The following CPNE4 variants were observed in gnomAD, a reference collection of about 807,000 sequenced individuals.
CPNE4 encodes the protein copine 4.
CPNE4 carries 25 observed loss-of-function variants against 67.9 expected under a neutral mutation model. That is an observed-to-expected ratio of 0.37 (90% confidence interval 0.27 to 0.51). CPNE4 has a LOEUF of 0.51. Ranked by LOEUF, CPNE4 falls within the 20% of genes least tolerant of loss-of-function variation. The pLI, the probability that CPNE4 is intolerant of heterozygous loss-of-function variation, is 0.93. For missense variants in CPNE4, 464 were observed against 690.8 expected (o/e 0.67, Z 3.68); for synonymous variants, 242 against 244.9 (o/e 0.99, Z 0.11).
Position 131,948,851 on chromosome 3 carries a change from T to C in CPNE4, c.-1-43407A>G, listed in dbSNP as rs772140371. Among the ~76,000 whole-genome samples the C allele has an allele frequency of 3.3e-5, 5 of 152,248 alleles. No individual in the cohort carries two copies. In the South Asian group the frequency reaches 8.3e-4, roughly 25 times the overall value. Reference sequence around the variant, plus strand: ...TAGTACAGAGAGACTTAATATAAAATTCCATGCAGGAAAAAAACACACAAA... The same window carrying C: ...TAGTACAGAGAGACTTAATATAAAACTCCATGCAGGAAAAAAACACACAAA... On this transcript the variant is annotated intron_variant, in intron 1 of 15. Transcript: ENST00000429747.
Position 131,785,170 on chromosome 3 carries a change from C to A in CPNE4, c.181-61545G>T, listed in dbSNP as rs556922874. Among the ~76,000 whole-genome samples, 23 of 152,200 alleles carry A rather than the reference C, an allele frequency of 1.5e-4. 1 individual carries two copies. In the South Asian group the frequency reaches 3.7e-3, roughly 25 times the overall value. On this transcript the variant is annotated intron_variant, in intron 2 of 15. Transcript: ENST00000429747. ...CTTTGCTTAAATTATTTAATCCTTG[C>A]AATTCTGAGAAGTACATATTCCCCA...
intron 2 of CPNE4, among the ~76,000 whole-genome samples, chr3:131,825,064 T>C (rs901293408): frequency 6.6e-6 from 1 of 152,130 alleles, no homozygotes; most frequent in African/African-American, 2.4e-5. Flanking sequence ...CGACAAGGGA[T>C]CTACTGGGAG....
chr3:131,900,839 T>G (rs1351079857), intron 2 of CPNE4, among the ~76,000 whole-genome samples: 1 of 152,238 alleles, frequency 6.6e-6, no homozygotes, highest in South Asian at 2.1e-4. Context: ...CTAACAATAA[T>G]TACCAACAAC....
chr3:131,554,971 A>G (rs1300037453), intron 12 of CPNE4, among the ~76,000 whole-genome samples: 1 of 152,092 alleles, frequency 6.6e-6, no homozygotes, highest in African/African-American at 2.4e-5. Flanking sequence ...AATCATTATC[A>G]AAACCAAATA....
At position 131,905,459 on chromosome 3, in the gene CPNE4, T is replaced by C. The variant is rs753903014; in HGVS notation, c.-1-15A>G. The C allele has an allele frequency of 1.3e-6, 2 of 1,598,774 alleles. No individual in the cohort carries two copies. Among genetic ancestry groups the C allele is most frequent in the South Asian group, 2.2e-5 (2 of 89,292 alleles). ...TCTTCTTCATTCTGTTTTAGGCAAG[T>C]AAAAGAATAAAAAAGAAGTGCCAAT... On this transcript the variant is annotated splice_polypyrimidine_tract_variant and intron_variant, in intron 1 of 15. Coordinates refer to ENST00000429747, the MANE Select transcript of CPNE4 (RefSeq NM_130808.3).
chr3:131,715,704 T>G (rs1268005326), intron 3 of CPNE4, among the ~76,000 whole-genome samples: 1 of 152,216 alleles, frequency 6.6e-6, no homozygotes, highest in African/African-American at 2.4e-5. Context: ...TATTTATGAC[T>G]CAGTTCCACT....
intron 7 of CPNE4, among the ~76,000 whole-genome samples, chr3:131,592,641 ATATGTATATATATT>A: frequency 6.7e-6 from 1 of 149,360 alleles, no homozygotes; most frequent in Admixed American, 6.7e-5. Flanking sequence ...ACACACATAT[ATATGTATATATATT>A]TGTTACTGTT....
chr3:131,722,280 A>G (rs2081906712), intron 3 of CPNE4, among the ~76,000 whole-genome samples: 1 of 152,194 alleles, frequency 6.6e-6, no homozygotes, highest in Non-Finnish European at 1.5e-5. Context: ...AAGACATATA[A>G]TTTGGAATCT....
At chr3:131,969,336 C>A (rs2072441872) in intron 1 of CPNE4, among the ~76,000 whole-genome samples, 1 of 151,838 alleles carries the variant, frequency 6.6e-6, no homozygotes, top group African/African-American at 2.4e-5. Flanking sequence ...AACAAACCTG[C>A]ATGTTCTGCA....
chr3:131,995,492 C>A (rs1273986129), intron 1 of CPNE4, among the ~76,000 whole-genome samples: 1 of 152,128 alleles, frequency 6.6e-6, no homozygotes, highest in African/African-American at 2.4e-5. Context: ...ACCATGAGAG[C>A]AGATCCTGAC....
chr3:131,687,375 G>A (rs1413026403), intron 5 of CPNE4, among the ~76,000 whole-genome samples: 4 of 152,148 alleles, frequency 2.6e-5, no homozygotes, highest in Non-Finnish European at 5.9e-5. Context: ...AGTACATAGT[G>A]TTTATTGAAT....
intron 11 of CPNE4, among the ~76,000 whole-genome samples, chr3:131,556,122 C>T (rs1341774981): frequency 6.6e-6 from 1 of 151,948 alleles, no homozygotes; most frequent in Non-Finnish European, 1.5e-5. Flanking sequence ...TCCTGTAATC[C>T]CAGAACTTTG....
intron 2 of CPNE4, among the ~76,000 whole-genome samples, chr3:131,759,016 T>C (rs1252030123): frequency 6.6e-6 from 1 of 152,128 alleles, no homozygotes; most frequent in African/African-American, 2.4e-5. Context: ...AACATACTAA[T>C]ACACGTGCCT....
intron 2 of CPNE4, among the ~76,000 whole-genome samples, chr3:131,848,879 G>A (rs374921015): frequency 3.5e-5 from 5 of 140,900 alleles, no homozygotes; most frequent in Admixed American, 2.3e-4. Context: ...CACTCCATGT[G>A]CCCATAGGGA....
chr3:131,717,904 TTC>T (rs1462647656), intron 3 of CPNE4, among the ~76,000 whole-genome samples: 2 of 121,674 alleles, frequency 1.6e-5, no homozygotes, highest in Non-Finnish European at 3.9e-5. Context: ...CTTTCTTTCT[TTC>T]TTTCTTTCTT....
At chr3:131,816,900 A>G (rs920381744) in intron 2 of CPNE4, among the ~76,000 whole-genome samples, 9 of 152,182 alleles carry the variant, frequency 5.9e-5, no homozygotes, top group African/African-American at 1.9e-4. Context: ...ATTGGGGTAT[A>G]TTTTACATAC....
At chr3:132,007,733 A>T (rs1477848061) in intron 1 of CPNE4, among the ~76,000 whole-genome samples, 3 of 152,044 alleles carry the variant, frequency 2.0e-5, no homozygotes, top group Non-Finnish European at 4.4e-5. Flanking sequence ...TTCATCATAA[A>T]TTTATTCTAA....
chr3:131,984,926 G>A (rs568305395), intron 1 of CPNE4, among the ~76,000 whole-genome samples: 7 of 152,230 alleles, frequency 4.6e-5, no homozygotes, highest in Non-Finnish European at 1.0e-4. Context: ...TCTCTTTCTT[G>A]TCTGACTTCT....
At position 131,747,338 on chromosome 3, in the gene CPNE4, C is replaced by A. The variant is rs187784349; in HGVS notation, c.181-23713G>T. On this transcript the variant is annotated intron_variant, in intron 2 of 15. Transcript: ENST00000429747. ...TTGTCTGTGCTTTTGAGGTTTTATT[C>A]AAAAATTCTTTCCTATACTGATGCA... 1.9e-3 allele frequency among the ~76,000 whole-genome samples: 293 copies of A among 152,040 alleles called. 1 individual carries two copies. Among genetic ancestry groups the A allele is most frequent in the African/African-American group, 6.1e-3 (253 of 41,520 alleles).
Sources: allele counts gnomAD v4.1 joint callset (sites outside exome capture counted in the v4.1 genomes callset), GRCh38; gene constraint gnomAD v4.1.1; transcripts MANE v1.5; gene names NCBI Gene and HGNC (gene_info 2026-07-23, HGNC 2026-07-21).